The following C10orf143 variants were observed in gnomAD, a reference collection of about 807,000 sequenced individuals.
The protein encoded by C10orf143 is chromosome 10 open reading frame 143.
intron 1 of C10orf143, among the ~76,000 whole-genome samples, chr10:130,090,353 T>A (rs1183115142): frequency 1.3e-5 from 2 of 151,840 alleles, no homozygotes; most frequent in African/African-American, 2.4e-5. Context: ...CGTGAGGGAG[T>A]GTGCCATGAG....
At chr10:130,077,286 T>C (rs1861133809) in intron 3 of C10orf143, among the ~76,000 whole-genome samples, 2 of 151,998 alleles carry the variant, frequency 1.3e-5, no homozygotes, top group Non-Finnish European at 2.9e-5. Flanking sequence ...ATCATAAACA[T>C]AAGGAAAAGC....
intron 3 of C10orf143, among the ~76,000 whole-genome samples, chr10:130,038,563 G>A (rs1287136640): frequency 2.0e-5 from 3 of 152,072 alleles, no homozygotes; most frequent in East Asian, 3.9e-4. Context: ...TGGTTTCGGG[G>A]GATTATTTTA....
downstream of C10orf143, among the ~76,000 whole-genome samples, chr10:130,059,162 G>A (rs1221086436): frequency 6.6e-6 from 1 of 152,146 alleles, no homozygotes; most frequent in African/African-American, 2.4e-5. Flanking sequence ...TGTCAGAATT[G>A]TGCAAAAATG....
At chr10:130,054,526 G>T (rs1860774547) in intron 3 of C10orf143, among the ~76,000 whole-genome samples, 1 of 152,142 alleles carries the variant, frequency 6.6e-6, no homozygotes, top group Non-Finnish European at 1.5e-5. Context: ...AATTCTTTTG[G>T]ATACATACGC....
intron 1 of C10orf143, among the ~76,000 whole-genome samples, chr10:130,085,357 C>A (rs1861274378): frequency 6.6e-6 from 1 of 152,210 alleles, no homozygotes; most frequent in Admixed American, 6.5e-5. Context: ...CATGAACCCT[C>A]CTCCGTACAA....
At chr10:130,050,795 CTT>C (rs1442823255) in intron 3 of C10orf143, among the ~76,000 whole-genome samples, 1 of 152,200 alleles carries the variant, frequency 6.6e-6, no homozygotes, top group Non-Finnish European at 1.5e-5. Context: ...CGAATCAGCT[CTT>C]AACACGGGAT....
intron 1 of C10orf143, among the ~76,000 whole-genome samples, chr10:130,088,301 T>C (rs565554321): frequency 6.6e-6 from 1 of 152,170 alleles, no homozygotes; most frequent in South Asian, 2.1e-4. Flanking sequence ...GGAGAATCAC[T>C]TGAACCCGGG....
At chr10:130,075,537 A>T (rs1224520491) in intron 3 of C10orf143, among the ~76,000 whole-genome samples, 1 of 152,218 alleles carries the variant, frequency 6.6e-6, no homozygotes, top group Non-Finnish European at 1.5e-5. Context: ...GTATATTTCA[A>T]ACAGAGGGAC....
chr10:130,044,334 G>A (rs960042130), intron 3 of C10orf143, among the ~76,000 whole-genome samples: 33 of 152,160 alleles, frequency 2.2e-4, no homozygotes, highest in Non-Finnish European at 4.4e-5. Flanking sequence ...TGCGGATGTG[G>A]CTGGAGGAGG....
chr10:130,105,259 T>A (rs886919165), intron 1 of C10orf143, among the ~76,000 whole-genome samples: 29 of 152,140 alleles, frequency 1.9e-4, no homozygotes, highest in African/African-American at 6.3e-4. Flanking sequence ...AAATGCCACA[T>A]GGGAAGCTGT....
At chr10:130,052,450 G>T (rs1423666786) in intron 3 of C10orf143, among the ~76,000 whole-genome samples, 3 of 152,120 alleles carry the variant, frequency 2.0e-5, no homozygotes, top group Non-Finnish European at 4.4e-5. Flanking sequence ...ACACCCAGAA[G>T]CATCCCCGGG....
At chr10:130,107,389 AC>A (rs1285988934) in intron 1 of C10orf143, 4 of 1,136,192 alleles carry the variant, frequency 3.5e-6, no homozygotes, top group Non-Finnish European at 5.4e-6. Flanking sequence ...ATTATTATCA[AC>A]GGCAGATTAT....
chr10:130,091,810 GA>G (rs138611773), intron 1 of C10orf143, among the ~76,000 whole-genome samples: 5,828 of 152,108 alleles, frequency 0.038, 303 homozygotes, highest in East Asian at 0.11. Flanking sequence ...CCAAAGAAAG[GA>G]TATCAGAGAT....
At chr10:130,064,503 A>T in intron 3 of C10orf143, 120 bp from the exon 4 acceptor site, 1 of 391,066 alleles carries the variant, frequency 2.6e-6, no homozygotes, top group Non-Finnish European at 4.5e-6. Context: ...CTTGTAAGTG[A>T]TAACTTAATT....
intron 3 of C10orf143, among the ~76,000 whole-genome samples, chr10:130,042,673 C>T (rs1366416922): frequency 6.6e-6 from 1 of 152,228 alleles, no homozygotes; most frequent in Non-Finnish European, 1.5e-5. Context: ...CCTCTCCGTC[C>T]TTTGATCCAG....
At chr10:130,062,088 T>TC (rs2134742226), downstream of C10orf143, among the ~76,000 whole-genome samples, 3 of 152,292 alleles carry the variant, frequency 2.0e-5, no homozygotes, top group South Asian at 6.2e-4. Flanking sequence ...GGACCACACC[T>TC]AGGAAAATCT....
At chr10:130,106,042 C>T (rs756675783) in intron 1 of C10orf143, 2 of 539,492 alleles carry the variant, frequency 3.7e-6, no homozygotes, top group East Asian at 5.0e-5. Context: ...GCAGCCTTGG[C>T]GCTATGTTGG....
chr10:130,054,727 T>C (rs1785926444), intron 3 of C10orf143, among the ~76,000 whole-genome samples: 1 of 152,244 alleles, frequency 6.6e-6, no homozygotes, highest in South Asian at 2.1e-4. Flanking sequence ...CTCATTGTGA[T>C]TTTGATTTGC....
chr10:130,105,591 A>G (rs1564971892), intron 1 of C10orf143, among the ~76,000 whole-genome samples: 2 of 152,090 alleles, frequency 1.3e-5, no homozygotes, highest in South Asian at 2.1e-4. Flanking sequence ...TTAGCTGGGC[A>G]TGGTGGCGGG....
Sources: allele counts gnomAD v4.1 joint callset (sites outside exome capture counted in the v4.1 genomes callset), GRCh38; gene constraint gnomAD v4.1.1; transcripts MANE v1.5; gene names NCBI Gene and HGNC (gene_info 2026-07-23, HGNC 2026-07-21).